The following WNT5A variants were observed in gnomAD, a reference collection of about 807,000 sequenced individuals.
WNT5A encodes the protein protein Wnt-5a.
WNT5A carries 9 observed loss-of-function variants against 42.1 expected under a neutral mutation model. The observed-to-expected ratio is 0.21, with a 90% CI of 0.13 to 0.37. The LOEUF (loss-of-function observed/expected upper bound fraction) is 0.37, where lower values mean the gene tolerates loss of function less well. WNT5A is among the 10% of genes least tolerant of loss of function. The pLI is 1.00. For synonymous variants in WNT5A, 210 were observed against 210.0 expected, an observed-to-expected ratio of 1.00 and a Z score of 0.00; for missense variants, 426 against 534.0, an observed-to-expected ratio of 0.80 and a Z score of 1.99.
At chr3:55,489,176 C>T (rs1372908186), upstream of WNT5A, 4 of 152,274 alleles carry the variant, frequency 2.6e-5, no homozygotes, top group Admixed American at 1.3e-4. Flanking sequence ...TTTGTGTCCG[C>T]TACCTCCAGC....
chr3:55,482,630 C>T (rs1234865145), intron 1 of WNT5A, among the ~76,000 whole-genome samples: 1 of 152,140 alleles, frequency 6.6e-6, no homozygotes, highest in Non-Finnish European at 1.5e-5. Flanking sequence ...CTTATGTGGT[C>T]CCCAGCGCCT....
intron 2 of WNT5A, 123 bp from the exon 3 acceptor site, chr3:55,479,687 A>C: frequency 1.5e-6 from 2 of 1,309,872 alleles, no homozygotes; most frequent in South Asian, 3.3e-5. Flanking sequence ...GCTTGTCCTC[A>C]TGACAAAGTA....
At chr3:55,494,503 T>C (rs2051693963), upstream of WNT5A, among the ~76,000 whole-genome samples, 1 of 152,174 alleles carries the variant, frequency 6.6e-6, no homozygotes, top group Admixed American at 6.5e-5. Context: ...TTCAAACATA[T>C]TAGGTTGGTA....
At chr3:55,503,169 C>G in the WNT5A span, among the ~76,000 whole-genome samples, 2 of 152,184 alleles carry the variant, frequency 1.3e-5, no homozygotes, top group Non-Finnish European at 2.9e-5. Context: ...TCAAGGAAAA[C>G]CCTGACGTGG....
upstream of WNT5A, among the ~76,000 whole-genome samples, chr3:55,495,139 A>G (rs1368064086): frequency 6.6e-6 from 1 of 152,240 alleles, no homozygotes; most frequent in African/African-American, 2.4e-5. Context: ...GCCTAAATCA[A>G]CTAATTATTA....
In WNT5A at chr3:55,479,951, C is replaced by G. The variant is rs180844351; in HGVS notation, c.141-387G>C. On this transcript the variant is annotated intron_variant, in intron 2 of 4. Coordinates refer to ENST00000264634, the MANE Select transcript of WNT5A (RefSeq NM_003392.7). The stretch of plus-strand genomic sequence containing the variant: ...AAATTGGACCAATCTGCCTTGAAAA[C>G]TTATGAATGCTGAAAGTAGACACAA... Among the ~76,000 whole-genome samples the G allele has an allele frequency of 5.9e-5, 9 of 152,214 alleles. 1 individual carries two copies. Among genetic ancestry groups the G allele is most frequent in the Admixed American group, 5.9e-4 (9 of 15,298 alleles).
At chr3:55,481,331 C>T (rs752009111) in intron 1 of WNT5A, 29 of 987,496 alleles carry the variant, frequency 2.9e-5, no homozygotes, top group Non-Finnish European at 3.5e-5. Context: ...TCTCCCCAAC[C>T]TGGGCCGAGC....
rs968831301 is a variant in WNT5A, at chr3:55,469,214, C to A, written c.*878G>T. ...ATTTTTACTATTATAATTTACTAAC[C>A]AAGTATCCCTAAGAAAATAACAGGA... On this transcript the variant is annotated 3_prime_UTR_variant, in exon 5 of 5. Transcript: ENST00000264634. 6.6e-6 allele frequency: 1 copy of A among 152,140 alleles called. No homozygotes were observed. Among genetic ancestry groups the A allele is most frequent in the African/African-American group, 2.4e-5 (1 of 41,416 alleles). 9.4% of individuals were successfully genotyped at this position (152,140 alleles called of 1,614,324 possible). A position where few individuals can be genotyped will look rare whatever the true frequency, so the allele number is the denominator to read the frequency against.
At position 55,467,316 on chromosome 3, in the gene WNT5A, A is replaced by C. The variant is rs1025883536; in HGVS notation, c.*2776T>G. On this transcript the variant is annotated 3_prime_UTR_variant, in exon 5 of 5. Coordinates refer to ENST00000264634, the MANE Select transcript of WNT5A (RefSeq NM_003392.7). ...AATTAAGTTACATGCATAATGCTAA[A>C]AGAATGTGAGCAATCCTATAACCAG... 3 of 152,618 alleles carry C rather than the reference A, an allele frequency of 2.0e-5. No individual in the cohort carries two copies. The highest frequency in any genetic ancestry group is 2.0e-4 in the Admixed American group (3 of 15,284). 9.5% of individuals were successfully genotyped at this position (152,618 alleles called of 1,614,324 possible).
upstream of WNT5A, chr3:55,493,680 T>C (rs1254932571): frequency 6.6e-6 from 1 of 152,238 alleles, no homozygotes; most frequent in Non-Finnish European, 1.5e-5. Flanking sequence ...GCCATGCCAC[T>C]GCTGAGCAAA....
the WNT5A span, among the ~76,000 whole-genome samples, chr3:55,502,054 G>C: frequency 6.6e-6 from 1 of 152,168 alleles, no homozygotes; most frequent in East Asian, 1.9e-4. Context: ...CATGCTATGA[G>C]CTTGTTCTTT....
At chr3:55,492,469 G>A (rs2051670616), upstream of WNT5A, among the ~76,000 whole-genome samples, 1 of 152,172 alleles carries the variant, frequency 6.6e-6, no homozygotes, top group Non-Finnish European at 1.5e-5. Flanking sequence ...CTCTGCCTAT[G>A]GAGATAGCTT....
upstream of WNT5A, among the ~76,000 whole-genome samples, chr3:55,491,020 G>A (rs1467837387): frequency 1.3e-5 from 2 of 152,204 alleles, no homozygotes; most frequent in Non-Finnish European, 2.9e-5. Flanking sequence ...GACCTCATCT[G>A]CGGTTTTCAT....
At chr3:55,490,860 A>G (rs1235289711), upstream of WNT5A, among the ~76,000 whole-genome samples, 1 of 152,224 alleles carries the variant, frequency 6.6e-6, no homozygotes, top group Non-Finnish European at 1.5e-5. Flanking sequence ...CTTGCAAATT[A>G]ATAGCAATAT....
intron 1 of WNT5A, among the ~76,000 whole-genome samples, chr3:55,486,373 G>T (rs1264739174): frequency 2.0e-5 from 3 of 152,160 alleles, no homozygotes; most frequent in African/African-American, 7.2e-5. Context: ...CTGGCCCCCC[G>T]CCAGGCACTC....
At chr3:55,475,933 G>T (rs1302316622) in intron 3 of WNT5A, among the ~76,000 whole-genome samples, 2 of 152,070 alleles carry the variant, frequency 1.3e-5, no homozygotes, top group African/African-American at 4.8e-5. Flanking sequence ...TGGGGTAGGG[G>T]TGGGATTGGG....
At chr3:55,504,550 G>A in the WNT5A span, among the ~76,000 whole-genome samples, 32 of 150,800 alleles carry the variant, frequency 2.1e-4, no homozygotes, top group African/African-American at 7.8e-4. Context: ...CGCAACCTCT[G>A]CCCTCCCGGG....
In WNT5A at chr3:55,481,299, C is replaced by T. The variant is rs2051456953; in HGVS notation, c.7-381G>A. ...CCTCCTGGGTAATTCACTCAGGAAC[C>T]CGCTGCGGCCACCCTCCGTCCTCTC... On this transcript the variant is annotated intron_variant, in intron 1 of 4. Coordinates refer to ENST00000264634, the MANE Select transcript of WNT5A (RefSeq NM_003392.7). 3 of 991,544 alleles carry T rather than the reference C, an allele frequency of 3.0e-6. No homozygotes were observed. The Admixed American group carries it at 1.8e-4, about 60-fold the overall frequency. The allele number at this position is 991,544 out of a possible 1,614,324, so 61.4% of individuals were successfully genotyped here. A position where few individuals can be genotyped will look rare whatever the true frequency, so the allele number is the denominator to read the frequency against.
chr3:55,496,770 A>G, the WNT5A span, among the ~76,000 whole-genome samples: 2 of 152,264 alleles, frequency 1.3e-5, no homozygotes, highest in African/African-American at 2.4e-5. Context: ...GATTCCATCC[A>G]GAGGATATCA....
Sources: gnomAD v4.1 joint callset for allele counts (sites outside exome capture counted in the v4.1 genomes callset) on GRCh38, gnomAD v4.1.1 for gene constraint, MANE v1.5 for transcripts, NCBI Gene and HGNC (gene_info 2026-07-23, HGNC 2026-07-21) for gene names.